SUMF1: variants seen among roughly 807,000 people sequenced by gnomAD.
SUMF1 encodes sulfatase modifying factor 1, also known as formylglycine-generating enzyme.
SUMF1 carries 48 observed loss-of-function variants against 47.6 expected under a neutral mutation model. The ratio of observed to expected loss-of-function variants is 1.01; its 90% CI spans 0.80 to 1.28. The LOEUF (loss-of-function observed/expected upper bound fraction) is 1.28, where lower values mean the gene tolerates loss of function less well. Among genes scored for constraint, SUMF1 ranks in the 50% most tolerant of loss-of-function variants. The pLI is 0.00. For missense variants in SUMF1, 571 were observed against 485.4 expected, an observed-to-expected ratio of 1.18 and a Z score of -1.66; for synonymous variants, 230 against 192.1, an observed-to-expected ratio of 1.20 and a Z score of -1.63.
intron 8 of SUMF1, among the ~76,000 whole-genome samples, chr3:4,175,148 C>T (rs756740407): frequency 3.3e-5 from 5 of 152,164 alleles, no homozygotes; most frequent in South Asian, 4.1e-4. Context: ...CAGATTTAAA[C>T]GTCCCTGTCT....
chr3:4,444,348 A>G (rs895020783), intron 3 of SUMF1, among the ~76,000 whole-genome samples: 12 of 152,250 alleles, frequency 7.9e-5, no homozygotes, highest in Non-Finnish European at 1.5e-4. Context: ...TCAAATGACT[A>G]GAGAGACATG....
intron 8 of SUMF1, among the ~76,000 whole-genome samples, chr3:4,276,520 C>T (rs1206039544): frequency 1.3e-5 from 2 of 152,166 alleles, no homozygotes; most frequent in Admixed American, 6.5e-5. Flanking sequence ...ACCAGCTCCA[C>T]CACTCATTGG....
At chr3:4,138,793 T>C (rs1354015664) in intron 8 of SUMF1, among the ~76,000 whole-genome samples, 3 of 152,080 alleles carry the variant, frequency 2.0e-5, no homozygotes, top group Admixed American at 6.6e-5. Context: ...ATAGCGAGTA[T>C]AGCACTTTCC....
At chr3:4,057,629 T>C (rs1695215074) in intron 9 of SUMF1, among the ~76,000 whole-genome samples, 1 of 152,076 alleles carries the variant, frequency 6.6e-6, no homozygotes, top group African/African-American at 2.4e-5. Flanking sequence ...AGAGTTGTTA[T>C]GAATATTAAA....
intron 8 of SUMF1, among the ~76,000 whole-genome samples, chr3:4,308,956 G>A (rs879625793): frequency 2.0e-5 from 3 of 152,196 alleles, no homozygotes; most frequent in Non-Finnish European, 2.9e-5. Flanking sequence ...TTGGGATATG[G>A]CTTAGTTTTA....
intron 8 of SUMF1, among the ~76,000 whole-genome samples, chr3:4,145,214 G>C (rs1042714316): frequency 9.9e-6 from 1 of 101,102 alleles, no homozygotes; most frequent in East Asian, 3.0e-4. Flanking sequence ...AAAAAAAAAA[G>C]CCATCTCCTA....
chr3:4,230,064 G>T (rs922809953), intron 8 of SUMF1, among the ~76,000 whole-genome samples: 1 of 151,754 alleles, frequency 6.6e-6, no homozygotes, highest in African/African-American at 2.4e-5. Flanking sequence ...GAGAATTTAC[G>T]ATAGTTTTTT....
At chr3:4,164,806 T>G (rs1694661217) in intron 8 of SUMF1, among the ~76,000 whole-genome samples, 1 of 152,154 alleles carries the variant, frequency 6.6e-6, no homozygotes, top group Non-Finnish European at 1.5e-5. Flanking sequence ...TGTGCCAGAT[T>G]GGATAATAAA....
chr3:4,459,835 C>A lies in SUMF1; in HGVS notation c.271-6786G>T, dbSNP rs942046328. On this transcript the variant is annotated intron_variant, in intron 1 of 8. Transcript: ENST00000272902. ...CCCCACCTGCTTCCAAGTCATCTAT[C>A]TTCCATTCAATAATTCATTCAACAA... is the stretch of plus-strand genomic sequence containing the variant. Among the ~76,000 whole-genome samples the A allele has an allele frequency of 3.3e-5, 5 of 152,276 alleles. No homozygotes were observed. The East Asian group carries it at 9.6e-4, about 29-fold the overall frequency.
intron 8 of SUMF1, among the ~76,000 whole-genome samples, chr3:4,104,360 A>C (rs563050118): frequency 1.3e-5 from 2 of 152,140 alleles, no homozygotes; most frequent in East Asian, 3.9e-4. Flanking sequence ...CTTTTTCTGT[A>C]TAAATTACCC....
intron 8 of SUMF1, among the ~76,000 whole-genome samples, chr3:4,230,951 A>G (rs1168378162): frequency 3.3e-5 from 5 of 152,196 alleles, no homozygotes; most frequent in Admixed American, 2.0e-4. Flanking sequence ...AAAAAAGTCT[A>G]TGCTTTAAAG....
intron 8 of SUMF1, chr3:4,313,802 G>C: frequency 6.2e-7 from 1 of 1,608,714 alleles, no homozygotes; most frequent in Non-Finnish European, 8.5e-7. Context: ...CCTCCCTATA[G>C]TGGAAGACAG....
intron 8 of SUMF1, among the ~76,000 whole-genome samples, chr3:4,288,271 A>C (rs6807906): frequency 0.41 from 61,819 of 152,090 alleles, 12,897 homozygotes; most frequent in African/African-American, 0.44. Flanking sequence ...AAAACTATGC[A>C]TGGACAGAAT....
intron 8 of SUMF1, among the ~76,000 whole-genome samples, chr3:4,140,464 G>T (rs949005317): frequency 6.6e-6 from 1 of 151,872 alleles, no homozygotes; most frequent in Non-Finnish European, 1.5e-5. Context: ...CAGTTTTCAA[G>T]TAGAGTTTAG....
At chr3:4,300,946 T>C (rs1441134935) in intron 8 of SUMF1, among the ~76,000 whole-genome samples, 1 of 152,116 alleles carries the variant, frequency 6.6e-6, no homozygotes, top group African/African-American at 2.4e-5. Flanking sequence ...AGCATATAAA[T>C]GTACCAAAAT....
intron 8 of SUMF1, among the ~76,000 whole-genome samples, chr3:4,192,453 AT>A (rs1348108078): frequency 3.3e-5 from 5 of 152,080 alleles, no homozygotes; most frequent in Non-Finnish European, 5.9e-5. Context: ...TAATGTTTAT[AT>A]TTTTATTTAT....
At chr3:4,185,806 T>C (rs73014924) in intron 8 of SUMF1, among the ~76,000 whole-genome samples, 2,018 of 152,314 alleles carry the variant, frequency 0.013, 25 homozygotes, top group Non-Finnish European at 0.022. Context: ...TGTGAATTAC[T>C]GGAATGATAG....
intron 9 of SUMF1, among the ~76,000 whole-genome samples, chr3:4,052,055 G>C (rs167599): frequency 0.69 from 105,065 of 151,822 alleles, 37,338 homozygotes; most frequent in East Asian, 0.99. Context: ...GCCAAAGCTG[G>C]TTGGCTTAAA....
intron 8 of SUMF1, among the ~76,000 whole-genome samples, chr3:4,297,464 G>A (rs1015520117): frequency 6.6e-6 from 1 of 151,990 alleles, no homozygotes; most frequent in Non-Finnish European, 1.5e-5. Flanking sequence ...CTGCAGTACG[G>A]TGGCACAATC....
Sources: allele counts gnomAD v4.1 joint callset (sites outside exome capture counted in the v4.1 genomes callset), GRCh38; gene constraint gnomAD v4.1.1; transcripts MANE v1.5; gene names NCBI Gene and HGNC (gene_info 2026-07-23, HGNC 2026-07-21).